THRB: variants seen among roughly 807,000 people sequenced by gnomAD.
THRB encodes the protein thyroid hormone receptor beta.
In THRB, 12 loss-of-function variants were observed where a neutral mutation model predicts 47.8. The ratio of observed to expected loss-of-function variants is 0.25; its 90% CI spans 0.16 to 0.41. The LOEUF (loss-of-function observed/expected upper bound fraction) is 0.41, where lower values mean the gene tolerates loss of function less well. Among genes scored for constraint, THRB ranks in the 10% least tolerant of loss-of-function variants. The pLI, the probability that THRB is intolerant of heterozygous loss-of-function variation, is 1.00. For missense variants in THRB, 348 were observed against 589.2 expected, an observed-to-expected ratio of 0.59 and a Z score of 4.24; for synonymous variants, 218 against 212.2, an observed-to-expected ratio of 1.03 and a Z score of -0.24.
chr3:24,367,129 G>C (rs2064533897), intron 1 of THRB, among the ~76,000 whole-genome samples: 1 of 152,204 alleles, frequency 6.6e-6, no homozygotes, highest in Non-Finnish European at 1.5e-5. Flanking sequence ...AATGGTCAGA[G>C]TTACTACCTT....
intron 5 of THRB, among the ~76,000 whole-genome samples, chr3:24,158,901 A>T (rs547751120): frequency 6.6e-6 from 1 of 151,970 alleles, no homozygotes; most frequent in South Asian, 2.1e-4. Flanking sequence ...GAGTTGTAGA[A>T]CCCTGGTATT....
intron 3 of THRB, among the ~76,000 whole-genome samples, chr3:24,260,641 T>C (rs2051864458): frequency 6.6e-6 from 1 of 152,148 alleles, no homozygotes; most frequent in African/African-American, 2.4e-5. Flanking sequence ...GCGCACTAAA[T>C]GCTCTCAGGC....
At chr3:24,192,738 G>A (rs1276850376) in intron 4 of THRB, among the ~76,000 whole-genome samples, 3 of 152,174 alleles carry the variant, frequency 2.0e-5, no homozygotes, top group Admixed American at 2.0e-4. Context: ...TACACTTGGG[G>A]TGAGGTAAGG....
In THRB at chr3:24,262,163, A is replaced by T. The variant is rs894201285; in HGVS notation, c.-42-33162T>A. Reference sequence around the variant, plus strand: ...GGCCTCCCTTAAAAGTCAAACAAACAAACTTGTTCCATCCTCTGTCTTCCT... The same window carrying T: ...GGCCTCCCTTAAAAGTCAAACAAACTAACTTGTTCCATCCTCTGTCTTCCT... On this transcript the variant is annotated intron_variant, in intron 3 of 10. Transcript: ENST00000646209. 1.1e-4 allele frequency among the ~76,000 whole-genome samples: 16 copies of T among 152,310 alleles called. 1 individual carries two copies. In the South Asian group the frequency reaches 1.2e-3, roughly 12 times the overall value.
At chr3:24,305,754 G>A (rs1253285300) in intron 2 of THRB, among the ~76,000 whole-genome samples, 1 of 152,128 alleles carries the variant, frequency 6.6e-6, no homozygotes, top group Non-Finnish European at 1.5e-5. Context: ...ACCACAAAAA[G>A]TATTATTATT....
chr3:24,153,577 G>C (rs979249761), intron 5 of THRB, among the ~76,000 whole-genome samples: 2 of 152,158 alleles, frequency 1.3e-5, no homozygotes, highest in Non-Finnish European at 2.9e-5. Context: ...GACTCAGGAA[G>C]CTAAAAAGCA....
intron 1 of THRB, among the ~76,000 whole-genome samples, chr3:24,378,939 AC>A (rs1390584636): frequency 3.3e-5 from 5 of 152,130 alleles, no homozygotes; most frequent in Non-Finnish European, 7.4e-5. Context: ...TTAGGTACAT[AC>A]TTTTCCAGTT....
intron 1 of THRB, among the ~76,000 whole-genome samples, chr3:24,390,744 T>G (rs1323803869): frequency 2.0e-5 from 3 of 149,222 alleles, no homozygotes; most frequent in African/African-American, 7.4e-5. Context: ...TTAGCCAGCC[T>G]CTCAGCCTGA....
At chr3:24,284,268 A>G (rs1368537904) in intron 3 of THRB, among the ~76,000 whole-genome samples, 1 of 151,914 alleles carries the variant, frequency 6.6e-6, no homozygotes, top group African/African-American at 2.4e-5. Flanking sequence ...GCCCTCAGAA[A>G]TAACGCCACA....
At chr3:24,309,819 G>A (rs2057624202) in intron 2 of THRB, among the ~76,000 whole-genome samples, 1 of 152,102 alleles carries the variant, frequency 6.6e-6, no homozygotes, top group Non-Finnish European at 1.5e-5. Flanking sequence ...TTGAAAAATA[G>A]AACTTTGATA....
chr3:24,296,056 A>G (rs780057488), intron 3 of THRB, among the ~76,000 whole-genome samples: 2 of 152,128 alleles, frequency 1.3e-5, no homozygotes, highest in Non-Finnish European at 2.9e-5. Context: ...CCTACCCCAA[A>G]TTTCCACTTA....
chr3:24,478,085 A>G (rs1289777178), intron 1 of THRB, among the ~76,000 whole-genome samples: 1 of 152,094 alleles, frequency 6.6e-6, no homozygotes, highest in Non-Finnish European at 1.5e-5. Flanking sequence ...AGTAAATCCT[A>G]TCATTCAAAG....
intron 3 of THRB, among the ~76,000 whole-genome samples, chr3:24,262,391 G>T (rs954942461): frequency 5.3e-5 from 8 of 152,058 alleles, no homozygotes; most frequent in African/African-American, 1.9e-4. Context: ...GACTCCACAG[G>T]GCAAATTATA....
chr3:24,472,650 T>C (rs573186006), intron 1 of THRB, among the ~76,000 whole-genome samples: 1 of 152,330 alleles, frequency 6.6e-6, no homozygotes, highest in East Asian at 1.9e-4. Context: ...TTTCTTCACA[T>C]CCCTAATTCC....
intron 4 of THRB, among the ~76,000 whole-genome samples, chr3:24,219,413 G>A: frequency 6.6e-6 from 1 of 152,222 alleles, no homozygotes; most frequent in East Asian, 1.9e-4. Context: ...TGCTGGCCTT[G>A]GAGTGCAGGC....
At chr3:24,235,201 C>T (rs558497338) in intron 3 of THRB, among the ~76,000 whole-genome samples, 1 of 152,326 alleles carries the variant, frequency 6.6e-6, no homozygotes, top group South Asian at 2.1e-4. Flanking sequence ...AAGGCTAGAC[C>T]AGTGCCAGAG....
At chr3:24,236,517 A>T (rs2048892913) in intron 3 of THRB, among the ~76,000 whole-genome samples, 1 of 152,130 alleles carries the variant, frequency 6.6e-6, no homozygotes, top group Admixed American at 6.5e-5. Context: ...TCCCAAAGGC[A>T]TGGGGGAACT....
At chr3:24,449,838 C>T (rs907531746) in intron 1 of THRB, among the ~76,000 whole-genome samples, 6 of 152,052 alleles carry the variant, frequency 3.9e-5, no homozygotes, top group South Asian at 2.1e-4. Context: ...AATAATAGGA[C>T]GCTAAAAAAG....
intron 10 of THRB, among the ~76,000 whole-genome samples, chr3:24,127,045 G>T (rs947171401): frequency 2.0e-5 from 3 of 152,160 alleles, no homozygotes; most frequent in Non-Finnish European, 4.4e-5. Flanking sequence ...GTTTTGGGTC[G>T]GTGTGCTATT....
Sources: allele counts gnomAD v4.1 joint callset (sites outside exome capture counted in the v4.1 genomes callset), GRCh38; gene constraint gnomAD v4.1.1; transcripts MANE v1.5; gene names NCBI Gene and HGNC (gene_info 2026-07-23, HGNC 2026-07-21).